Variants in PCDH11X observed in about 807,000 individuals in gnomAD.
The protein encoded by PCDH11X is protocadherin-11 X-linked.
In PCDH11X, 18 loss-of-function variants were observed where a neutral mutation model predicts 53.3. The observed-to-expected ratio is 0.34, with a 90% CI of 0.23 to 0.50. The LOEUF is 0.50. Ranked by LOEUF, PCDH11X falls within the 20% of genes least tolerant of loss-of-function variation. The probability of loss-of-function intolerance (pLI) is 0.98; values close to 1 mark genes in which losing one functional copy is unlikely to be tolerated. For synonymous variants in PCDH11X, 279 were observed against 393.3 expected, an observed-to-expected ratio of 0.71 and a Z score of 3.44; for missense variants, 570 against 1,032.4, an observed-to-expected ratio of 0.55 and a Z score of 6.14.
chrX:92,341,224 C>T (rs1451462062), intron 8 of PCDH11X, among the ~76,000 whole-genome samples: 2 of 111,764 alleles, frequency 1.8e-5, no homozygotes. Context: ...TCACTATCAG[C>T]ATTTTGATCA....
chrX:92,491,229 C>A (rs753716809), intron 10 of PCDH11X, among the ~76,000 whole-genome samples: 1 of 110,755 alleles, frequency 9.0e-6, no homozygotes, highest in Non-Finnish European at 1.9e-5. Context: ...AGAAAGACAG[C>A]AAGGAGAAAG....
At chrX:91,944,770 A>G (rs62607801) in intron 6 of PCDH11X, among the ~76,000 whole-genome samples, 14,529 of 108,513 alleles carry the variant, frequency 0.13, 841 homozygotes, top group East Asian at 0.23. Flanking sequence ...TTTATCATTT[A>G]GCATCGTATT....
intron 5 of PCDH11X, among the ~76,000 whole-genome samples, chrX:91,857,482 C>A (rs1294629519): frequency 9.0e-6 from 1 of 111,421 alleles, no homozygotes; most frequent in African/African-American, 3.3e-5. Flanking sequence ...CTCAAAAGCC[C>A]AAGTCCAAAG....
At chrX:92,316,277 T>G (rs2148487453) in intron 8 of PCDH11X, among the ~76,000 whole-genome samples, 1 of 111,037 alleles carries the variant, frequency 9.0e-6, no homozygotes, top group African/African-American at 3.3e-5. Flanking sequence ...CAAATAATAT[T>G]GTAGAAATAA....
At chrX:92,234,503 G>T (rs1213516654) in intron 7 of PCDH11X, among the ~76,000 whole-genome samples, 3 of 111,846 alleles carry the variant, frequency 2.7e-5, no homozygotes, top group African/African-American at 9.8e-5. Context: ...ATGCATTCTG[G>T]TAATGACATT....
chrX:92,373,915 T>G (rs909003756), intron 8 of PCDH11X, among the ~76,000 whole-genome samples: 1 of 111,278 alleles, frequency 9.0e-6, no homozygotes, highest in African/African-American at 3.3e-5. Flanking sequence ...TGTATCCTAT[T>G]TTTCTAAGAC....
intron 8 of PCDH11X, among the ~76,000 whole-genome samples, chrX:92,327,877 C>T (rs3865926): frequency 0.2 from 19,259 of 98,409 alleles, 2,083 homozygotes; most frequent in East Asian, 0.68. Context: ...ACATAACTTA[C>T]ATGATCTGAT....
intron 7 of PCDH11X, 37 bp from the exon 8 acceptor site, chrX:92,263,077 C>A: frequency 8.7e-7 from 1 of 1,151,671 alleles, no homozygotes; most frequent in South Asian, 2.0e-5. Flanking sequence ...GTTTTATTTT[C>A]CTTTGCTTCC....
intron 8 of PCDH11X, among the ~76,000 whole-genome samples, chrX:92,278,584 G>A (rs2068166340): frequency 9.1e-6 from 1 of 110,496 alleles, no homozygotes; most frequent in Non-Finnish European, 1.9e-5. Flanking sequence ...CTCAGTGGGG[G>A]AGCTTCTGAG....
intron 6 of PCDH11X, among the ~76,000 whole-genome samples, chrX:92,061,314 G>A (rs1221707648): frequency 1.8e-5 from 2 of 111,800 alleles, no homozygotes; most frequent in Non-Finnish European, 3.8e-5. Context: ...TCTTTTTGCT[G>A]TGTAGGAGTT....
chrX:92,246,689 T>C (rs906237603), intron 7 of PCDH11X, among the ~76,000 whole-genome samples: 1 of 111,733 alleles, frequency 8.9e-6, no homozygotes, highest in African/African-American at 3.3e-5. Context: ...GTCGATGTGA[T>C]TTTGGCAAAT....
At chrX:92,068,549 A>G (rs1286122519) in intron 6 of PCDH11X, among the ~76,000 whole-genome samples, 1 of 109,489 alleles carries the variant, frequency 9.1e-6, no homozygotes, top group Non-Finnish European at 1.9e-5. Context: ...TAGTACTATT[A>G]TTATTATTAA....
intron 6 of PCDH11X, among the ~76,000 whole-genome samples, chrX:91,921,930 G>A (rs1941755442): frequency 9.0e-6 from 1 of 110,963 alleles, no homozygotes; most frequent in Non-Finnish European, 1.9e-5. Flanking sequence ...TTGGGAAGAT[G>A]GCAATACATA....
chrX:91,930,813 G>A (rs1277658016), intron 6 of PCDH11X, among the ~76,000 whole-genome samples: 1 of 104,644 alleles, frequency 9.6e-6, no homozygotes, highest in African/African-American at 3.4e-5. Flanking sequence ...AGACAACATG[G>A]TAAATAAGCT....
intron 6 of PCDH11X, among the ~76,000 whole-genome samples, chrX:91,932,337 G>A (rs1326901749): frequency 9.3e-6 from 1 of 107,299 alleles, no homozygotes; most frequent in Non-Finnish European, 1.9e-5. Flanking sequence ...GTTTTGGAAA[G>A]AGAAATGGTG....
intron 6 of PCDH11X, among the ~76,000 whole-genome samples, chrX:92,149,477 ATG>A (rs1180768042): frequency 2.3e-5 from 2 of 87,152 alleles, no homozygotes; most frequent in Non-Finnish European, 4.1e-5. Flanking sequence ...GTGTGTATAT[ATG>A]TGTGTGTGTA....
At chrX:91,984,222 C>T (rs962521734) in intron 6 of PCDH11X, among the ~76,000 whole-genome samples, 14 of 100,246 alleles carry the variant, frequency 1.4e-4, no homozygotes, top group Non-Finnish European at 2.0e-4. Flanking sequence ...CATATCACTC[C>T]GGAGGTTTTC....
chrX:92,556,705 A>G (rs1437039676), intron 10 of PCDH11X, among the ~76,000 whole-genome samples: 1 of 108,820 alleles, frequency 9.2e-6, no homozygotes, highest in African/African-American at 3.3e-5. Flanking sequence ...CTGTTGGTGG[A>G]CCTACCATTC....
chrX:91,839,988 C>G (rs1055448396), intron 5 of PCDH11X, among the ~76,000 whole-genome samples: 1 of 111,508 alleles, frequency 9.0e-6, no homozygotes. Flanking sequence ...AATCACAGAT[C>G]TCTTTAACTT....
Sources: allele counts gnomAD v4.1 joint callset (sites outside exome capture counted in the v4.1 genomes callset), GRCh38; gene constraint gnomAD v4.1.1; transcripts MANE v1.5; gene names NCBI Gene and HGNC (gene_info 2026-07-23, HGNC 2026-07-21).